AP3D1: variants seen among roughly 807,000 people sequenced by gnomAD.
AP3D1 encodes the protein AP-3 complex subunit delta-1.
Under a neutral mutation model 147.6 loss-of-function variants are expected in AP3D1, and 51 were observed. That is an observed-to-expected ratio of 0.35 (90% CI 0.28 to 0.44). AP3D1 has a LOEUF of 0.44. AP3D1 is among the 20% of genes least tolerant of loss of function. The pLI, the probability that AP3D1 is intolerant of heterozygous loss-of-function variation, is 1.00. For synonymous variants in AP3D1, 760 were observed against 663.0 expected (o/e 1.15, Z -2.25); for missense variants, 1,421 against 1,624.2 (o/e 0.87, Z 2.15).
rs1267321900 is a variant in AP3D1, at chr19:2,137,095, G to T, written c.274-4C>A. The T allele has an allele frequency of 6.3e-7, 1 of 1,578,578 alleles. No individual in the cohort carries two copies. The highest frequency in any genetic ancestry group is 1.8e-5 in the Admixed American group (1 of 55,336). On this transcript the variant is annotated splice_region_variant and splice_polypyrimidine_tract_variant and intron_variant, in intron 3 of 31. Coordinates refer to ENST00000643116, the MANE Select transcript of AP3D1 (RefSeq NM_001261826.3). ...AAGCAGCGAGGTAGCCAATTCGCTG[G>T]GAGAGAACAGATGAGCACATCAGAG...
At chr19:2,106,789 G>A (rs1192239315) in intron 31 of AP3D1, among the ~76,000 whole-genome samples, 4 of 152,188 alleles carry the variant, frequency 2.6e-5, no homozygotes, top group African/African-American at 7.2e-5. Context: ...TGTAATAACA[G>A]CAGCCAGACA....
chr19:2,144,258 A>C (rs567805369), intron 1 of AP3D1, among the ~76,000 whole-genome samples: 1 of 152,182 alleles, frequency 6.6e-6, no homozygotes, highest in African/African-American at 2.4e-5. Flanking sequence ...GCATGAAAGG[A>C]GCTTCTCCTG....
At chr19:2,158,690 G>A (rs914632440) in intron 1 of AP3D1, among the ~76,000 whole-genome samples, 40 of 150,072 alleles carry the variant, frequency 2.7e-4, no homozygotes, top group African/African-American at 8.9e-4. Flanking sequence ...TGCAACCTCC[G>A]CCTCCCAGGT....
intron 26 of AP3D1, 108 bp from the exon 27 acceptor site, chr19:2,111,004 A>C (rs947139375): frequency 1.6e-6 from 2 of 1,286,976 alleles, no homozygotes; most frequent in African/African-American, 3.0e-5. Flanking sequence ...CCACAGGCAC[A>C]GGAAGGCACG....
In AP3D1 at chr19:2,116,198, G is replaced by T; in HGVS notation, c.2073+9C>A. On this transcript the variant is annotated intron_variant, in intron 18 of 31. Transcript: ENST00000643116. ...TGCTGAGGGACAGGCACCCGGGGAC[G>T]GGCCTCACCTTCTGTGGCGATGGCG... is the stretch of plus-strand genomic sequence containing the variant. 6.2e-7 allele frequency: 1 copy of T among 1,614,002 alleles called. No homozygotes were observed. Among genetic ancestry groups the T allele is most frequent in the South Asian group, 1.1e-5 (1 of 91,090 alleles).
At chr19:2,149,494 G>T (rs2019448728) in intron 1 of AP3D1, among the ~76,000 whole-genome samples, 1 of 148,948 alleles carries the variant, frequency 6.7e-6, no homozygotes, top group Non-Finnish European at 1.5e-5. Flanking sequence ...GGTGAGCCAA[G>T]ATCATGCCTC....
intron 5 of AP3D1, among the ~76,000 whole-genome samples, chr19:2,130,772 C>T (rs1388931450): frequency 1.3e-5 from 2 of 152,224 alleles, no homozygotes; most frequent in African/African-American, 4.8e-5. Flanking sequence ...GCCTTCCTGC[C>T]CCAGGGTCCT....
chr19:2,164,364 C>G (rs1001491544), exon 1 of AP3D1: 1 of 803,554 alleles, frequency 1.2e-6, no homozygotes. Flanking sequence ...ACCGGTCCCC[C>G]CTGCGGAACG....
intron 31 of AP3D1, among the ~76,000 whole-genome samples, chr19:2,103,775 G>A (rs1278579361): frequency 1.3e-5 from 2 of 152,162 alleles, no homozygotes; most frequent in Non-Finnish European, 2.9e-5. Flanking sequence ...GCACTCCACG[G>A]AAAACGACCA....
At chr19:2,143,385 C>T (rs1451987741) in intron 1 of AP3D1, among the ~76,000 whole-genome samples, 3 of 151,796 alleles carry the variant, frequency 2.0e-5, no homozygotes, top group East Asian at 1.9e-4. Context: ...GGACTACAGG[C>T]GCCCGCGACC....
chr19:2,117,035 A>G (rs1599454496), intron 16 of AP3D1, 187 bp downstream of exon 16: 1 of 859,148 alleles, frequency 1.2e-6, no homozygotes, highest in Non-Finnish European at 1.7e-6. Context: ...ATCCCCAGGC[A>G]GAAGCCAGAT....
chr19:2,110,773 T>C lies in AP3D1; in HGVS notation c.3109A>G (p.Arg1037Gly), dbSNP rs541896236. ...GAGGAGCCCTGCGGCCGGGCCATCC[T>C]GGCATTGAGTGAGTCCAGCACGCTG... ...ELSVLDSLNA[R>G]MARPQGSSVH... The change falls in exon 27 of 32, where the codon AGG (arginine) becomes GGG (glycine). Residue 1037 changes from arginine (R) to glycine (G), a missense_variant. By Grantham distance (125) the Arg-to-Gly change is moderately radical. This residue lies in a region of AP3D1 where 791 missense variants were observed against 761.4 expected (regional missense o/e 1.04). Coordinates refer to ENST00000643116, the MANE Select transcript of AP3D1 (RefSeq NM_001261826.3). 6.2e-7 allele frequency: 1 copy of C among 1,612,954 alleles called. No homozygotes were observed. The highest frequency in any genetic ancestry group is 1.7e-5 in the Admixed American group (1 of 59,996).
In AP3D1 at chr19:2,116,757, C is replaced by G. The variant is rs370762495; in HGVS notation, c.1860-11G>C. On this transcript the variant is annotated splice_polypyrimidine_tract_variant and intron_variant, in intron 16 of 31. Coordinates refer to ENST00000643116, the MANE Select transcript of AP3D1 (RefSeq NM_001261826.3). ...GCGTCCAGGTCCAGGCTGCACCGGA[C>G]AGGAGGGCCACACAAGGCAGTGTGT... 1.1e-5 allele frequency: 18 copies of G among 1,601,568 alleles called. No individual in the cohort carries two copies. The African/African-American group carries it at 2.3e-4, about 20-fold the overall frequency.
chr19:2,157,460 A>AAAAAAAAAAG (rs1276331022), intron 1 of AP3D1, among the ~76,000 whole-genome samples: 1 of 132,954 alleles, frequency 7.5e-6, no homozygotes, highest in African/African-American at 2.8e-5. Flanking sequence ...AAAAAAAAAA[A>AAAAAAAAAAG]GAAAAAAACA....
At chr19:2,111,083 C>T in intron 26 of AP3D1, 187 bp from the exon 27 acceptor site, 1 of 912,874 alleles carries the variant, frequency 1.1e-6, no homozygotes, top group South Asian at 1.7e-5. Flanking sequence ...TGGCGGGGAC[C>T]CTCCTGCCAG....
At chr19:2,144,576 C>T (rs1179861030) in intron 1 of AP3D1, among the ~76,000 whole-genome samples, 2 of 152,172 alleles carry the variant, frequency 1.3e-5, no homozygotes, top group East Asian at 3.8e-4. Context: ...CTCAGCTCAG[C>T]CTGGATGTCT....
At chr19:2,116,403 C>T in intron 17 of AP3D1, 125 bp from the exon 18 acceptor site, 1 of 1,253,844 alleles carries the variant, frequency 8.0e-7, no homozygotes, top group Non-Finnish European at 1.1e-6. Flanking sequence ...TGAGCTTTCA[C>T]TAACAGGGAA....
chr19:2,126,564 G>A (rs959829397), intron 9 of AP3D1, among the ~76,000 whole-genome samples: 10 of 149,396 alleles, frequency 6.7e-5, no homozygotes, highest in African/African-American at 2.5e-4. Context: ...TGAGGTAGGA[G>A]AATGGCGTGA....
rs993981344 is a variant in AP3D1 at position 2,121,679 on chromosome 19, A to G, written c.1101+55T>C. On this transcript the variant is annotated intron_variant, in intron 12 of 31. Transcript: ENST00000643116. The stretch of plus-strand genomic sequence containing the variant: ...CACGTGGCTCTGCACCTGACACTTA[A>G]TGTCCCTTAGAGAACTAAGGCCAGG... 1.4e-5 allele frequency: 22 copies of G among 1,523,610 alleles called. No homozygotes were observed. The African/African-American group carries it at 2.5e-4, about 17-fold the overall frequency. The allele number at this position is 1,523,610 out of a possible 1,614,324, so 94.4% of individuals were successfully genotyped here. A position where few individuals can be genotyped will look rare whatever the true frequency, so the allele number is the denominator to read the frequency against.
Sources: allele counts gnomAD v4.1 joint callset (sites outside exome capture counted in the v4.1 genomes callset), GRCh38; gene constraint gnomAD v4.1.1; regional missense constraint gnomAD v4.1.1; transcripts MANE v1.5; gene names NCBI Gene and HGNC (gene_info 2026-07-23, HGNC 2026-07-21).